SPAST: variants seen among roughly 807,000 people sequenced by gnomAD.
SPAST encodes the protein spastin.
In SPAST, 30 loss-of-function variants were observed where a neutral mutation model predicts 76.6. The ratio of observed to expected loss-of-function variants is 0.39; its 90% CI spans 0.29 to 0.53. SPAST has a LOEUF of 0.53. Ranked by LOEUF, SPAST falls within the 20% of genes least tolerant of loss-of-function variation. The probability of loss-of-function intolerance (pLI) is 0.68; values close to 1 mark genes in which losing one functional copy is unlikely to be tolerated. For missense variants in SPAST, 717 were observed against 770.5 expected (o/e 0.93, Z 0.82); for synonymous variants, 305 against 281.0 (o/e 1.09, Z -0.86).
rs1021501563 is a variant in SPAST at position 32,094,483 on chromosome 2, A to G, written c.587-4313A>G. Among the ~76,000 whole-genome samples the G allele has an allele frequency of 2.0e-5, 3 of 152,172 alleles. No individual in the cohort carries two copies. The East Asian group carries it at 5.8e-4, about 29-fold the overall frequency. On this transcript the variant is annotated intron_variant, in intron 3 of 16. Coordinates refer to ENST00000315285, the MANE Select transcript of SPAST (RefSeq NM_014946.4). ...CCACAGAGAAGTAAGAGCCAATACA[A>G]CGCCTTAAGAGAAAGTACCTGGTAT...
chr2:32,141,719 C>T (rs770812261), intron 12 of SPAST, among the ~76,000 whole-genome samples, 185 bp from the exon 13 acceptor site: 3 of 152,028 alleles, frequency 2.0e-5, no homozygotes, highest in Non-Finnish European at 4.4e-5. Context: ...CTAACAATAC[C>T]GAATTAAGGA....
chr2:32,100,453 A>C (rs866004609), intron 4 of SPAST, among the ~76,000 whole-genome samples: 74 of 151,784 alleles, frequency 4.9e-4, no homozygotes, highest in South Asian at 2.9e-3. Flanking sequence ...TTTTGGCATA[A>C]TAATTATATA....
intron 4 of SPAST, among the ~76,000 whole-genome samples, chr2:32,107,427 ATT>A (rs1678367388): frequency 6.6e-6 from 1 of 151,944 alleles, no homozygotes; most frequent in Non-Finnish European, 1.5e-5. Flanking sequence ...AATTTTTTGT[ATT>A]TTTAGTAGAG....
intron 1 of SPAST, among the ~76,000 whole-genome samples, chr2:32,067,772 T>G (rs1353885081): frequency 6.9e-6 from 1 of 143,924 alleles, no homozygotes; most frequent in African/African-American, 2.5e-5. Context: ...TTTTTTTTTT[T>G]GCTAGAGATA....
intron 12 of SPAST, among the ~76,000 whole-genome samples, chr2:32,139,851 GAA>G (rs962393586): frequency 7.6e-6 from 1 of 132,226 alleles, no homozygotes; most frequent in Non-Finnish European, 1.6e-5. Flanking sequence ...AAAAAAAAAA[GAA>G]AAAAAAAAAG....
intron 8 of SPAST, chr2:32,127,672 G>A (rs1181075116): frequency 1.4e-5 from 2 of 138,916 alleles, no homozygotes; most frequent in African/African-American, 5.4e-5. Context: ...TTTTTTTTAA[G>A]TATTCTTTTG....
Position 32,109,999 on chromosome 2 carries a change from A to G in SPAST, c.683-4639A>G, listed in dbSNP as rs533607999. Among the ~76,000 whole-genome samples, 172 of 148,532 alleles carry G rather than the reference A, an allele frequency of 1.2e-3. 1 individual carries two copies. Among genetic ancestry groups the G allele is most frequent in the Non-Finnish European group, 2.0e-3 (133 of 67,386 alleles). On this transcript the variant is annotated intron_variant, in intron 4 of 16. Transcript: ENST00000315285. ...ATATATAGTTATATATGTATTAGTT[A>G]TATCAAAATAACTATGTATATATAG... is the stretch of plus-strand genomic sequence containing the variant.
chr2:32,152,119 T>A (rs1422642121), intron 16 of SPAST, among the ~76,000 whole-genome samples: 1 of 152,162 alleles, frequency 6.6e-6, no homozygotes, highest in African/African-American at 2.4e-5. Context: ...TAAGACAACT[T>A]TTCTACTTAT....
intron 1 of SPAST, among the ~76,000 whole-genome samples, chr2:32,085,997 G>A (rs111380429): frequency 2.9e-4 from 44 of 152,000 alleles, no homozygotes; most frequent in African/African-American, 9.9e-4. Flanking sequence ...AACCAAGATC[G>A]TGCCACTGCA....
intron 3 of SPAST, among the ~76,000 whole-genome samples, chr2:32,091,660 G>A (rs1310431445): frequency 2.0e-5 from 3 of 151,290 alleles, no homozygotes; most frequent in Admixed American, 6.6e-5. Context: ...GTGAAACCCC[G>A]TCTCTAGTAA....
In SPAST at chr2:32,064,045, G is replaced by A; in HGVS notation, c.214G>A (p.Gly72Arg). The A allele has an allele frequency of 1.9e-6, 3 of 1,613,290 alleles. No homozygotes were observed. Among genetic ancestry groups the A allele is most frequent in the Non-Finnish European group, 2.5e-6 (3 of 1,179,542 alleles). ...ALLRLVAFHL[G>R]LLFVWLCQRF... Reference sequence around the variant, plus strand: ...GCTGCGTTTGGTCGCCTTCCACCTGGGGCTCCTCTTCGTGTGGCTCTGCCA... The same window carrying A: ...GCTGCGTTTGGTCGCCTTCCACCTGAGGCTCCTCTTCGTGTGGCTCTGCCA... The change falls in exon 1 of 17, where the codon GGG becomes AGG. Residue 72 changes from glycine to arginine, a missense_variant. Gly to Arg is a moderately radical substitution (Grantham distance 125, BLOSUM62 -2). Transcript: ENST00000315285.
intron 4 of SPAST, among the ~76,000 whole-genome samples, chr2:32,101,305 GTTGT>G (rs1235250438): frequency 6.6e-6 from 1 of 152,050 alleles, no homozygotes; most frequent in Non-Finnish European, 1.5e-5. Flanking sequence ...TTTTGATGGG[GTTGT>G]TTGATTTTTT....
intron 4 of SPAST, among the ~76,000 whole-genome samples, chr2:32,109,489 C>T (rs2148726477): frequency 6.6e-6 from 1 of 152,016 alleles, no homozygotes; most frequent in Non-Finnish European, 1.5e-5. Flanking sequence ...CAACCTTCAC[C>T]CCTAGTTTGG....
At chr2:32,147,839 G>A (rs543548002) in intron 16 of SPAST, among the ~76,000 whole-genome samples, 19 of 150,148 alleles carry the variant, frequency 1.3e-4, no homozygotes, top group African/African-American at 4.7e-4. Flanking sequence ...CACCGTGTTA[G>A]CCAGGATGGT....
intron 7 of SPAST, among the ~76,000 whole-genome samples, chr2:32,121,043 C>G (rs963299487): frequency 6.6e-6 from 1 of 152,098 alleles, no homozygotes; most frequent in Non-Finnish European, 1.5e-5. Flanking sequence ...TTCTATTTCC[C>G]AAAGCTTTTT....
In SPAST at chr2:32,132,339, C is replaced by T. The variant is rs779200009; in HGVS notation, c.1245+3860C>T. On this transcript the variant is annotated intron_variant, in intron 9 of 16. Coordinates refer to ENST00000315285, the MANE Select transcript of SPAST (RefSeq NM_014946.4). ...TTGGGAGGTGGAGTTTGCTGTGAGC[C>T]GAGAGATCATGCCACTGTACTCCAG... is the stretch of plus-strand genomic sequence containing the variant. 5.9e-5 allele frequency among the ~76,000 whole-genome samples: 9 copies of T among 152,050 alleles called. No individual in the cohort carries two copies. In the South Asian group the frequency reaches 6.2e-4, roughly 11 times the overall value.
At chr2:32,083,772 A>AC (rs1677357529) in intron 1 of SPAST, among the ~76,000 whole-genome samples, 1 of 51,188 alleles carries the variant, frequency 2.0e-5, no homozygotes, top group Non-Finnish European at 3.9e-5. Flanking sequence ...ATATATATAT[A>AC]TATATTTTTT....
Position 32,157,123 on chromosome 2 carries a change from A to C in SPAST, c.*2627A>C, listed in dbSNP as rs1164563028. 1 of 152,592 alleles carries C rather than the reference A, an allele frequency of 6.6e-6. No homozygotes were observed. Among genetic ancestry groups the C allele is most frequent in the Admixed American group, 6.5e-5 (1 of 15,274 alleles). The allele number at this position is 152,592 out of a possible 1,614,324, so 9.5% of individuals were successfully genotyped here. Reference sequence around the variant, plus strand: ...GATTCGGTGTTGAGCTCTGTGTTGTATTACTTCCTAAAAGATAATGCTTAA... The same window carrying C: ...GATTCGGTGTTGAGCTCTGTGTTGTCTTACTTCCTAAAAGATAATGCTTAA... On this transcript the variant is annotated 3_prime_UTR_variant, in exon 17 of 17. Coordinates refer to ENST00000315285, the MANE Select transcript of SPAST (RefSeq NM_014946.4).
At chr2:32,070,323 C>T (rs1332810652) in intron 1 of SPAST, among the ~76,000 whole-genome samples, 1 of 152,086 alleles carries the variant, frequency 6.6e-6, no homozygotes, top group African/African-American at 2.4e-5. Context: ...CTGCCTCAGC[C>T]TCCCAAAGTG....
Sources: gnomAD v4.1 joint callset for allele counts (sites outside exome capture counted in the v4.1 genomes callset) on GRCh38, gnomAD v4.1.1 for gene constraint, MANE v1.5 for transcripts, NCBI Gene and HGNC (gene_info 2026-07-23, HGNC 2026-07-21) for gene names.